The following TEX2 variants were observed in gnomAD, a reference collection of about 807,000 sequenced individuals.
TEX2 encodes testis expressed 2.
In TEX2, 53 loss-of-function variants were observed where a neutral mutation model predicts 106.9. The observed-to-expected ratio is 0.50, with a 90% CI of 0.40 to 0.62. TEX2 has a LOEUF of 0.62. TEX2 is among the 20% of genes least tolerant of loss of function. The pLI, the probability that TEX2 is intolerant of heterozygous loss-of-function variation, is 0.00. For synonymous variants in TEX2, 523 were observed against 534.8 expected (o/e 0.98, Z 0.30); for missense variants, 1,207 against 1,379.0 (o/e 0.88, Z 1.98).
intron 2 of TEX2, among the ~76,000 whole-genome samples, chr17:64,204,499 G>C (rs145585748): frequency 8.5e-5 from 13 of 152,148 alleles, no homozygotes; most frequent in African/African-American, 2.4e-4. Context: ...TATCAGCAAG[G>C]CTTATTTACT....
chr17:64,251,445 G>A (rs559849710), intron 1 of TEX2, among the ~76,000 whole-genome samples: 2 of 152,248 alleles, frequency 1.3e-5, no homozygotes, highest in East Asian at 3.9e-4. Flanking sequence ...CCCAGAAAAC[G>A]CATCACTCTA....
chr17:64,178,036 T>G (rs116284043), intron 5 of TEX2, among the ~76,000 whole-genome samples: 1 of 152,160 alleles, frequency 6.6e-6, no homozygotes, highest in Non-Finnish European at 1.5e-5. Flanking sequence ...CCCCTGGTAA[T>G]GTAATGAACA....
rs2033220251 is a variant in TEX2 at position 64,217,478 on chromosome 17, C to T, written c.-25-3236G>A. 6.6e-6 allele frequency among the ~76,000 whole-genome samples: 1 copy of T among 152,228 alleles called. No individual in the cohort carries two copies. The highest frequency in any genetic ancestry group is 1.5e-5 in the Non-Finnish European group (1 of 68,044). ...CCTTTTCAAACATGCCACACACGCT[C>T]TTTATTCCTGCTTTGTCCCAGCTTT... On this transcript the variant is annotated intron_variant, in intron 1 of 11. Coordinates refer to ENST00000584379, the MANE Select transcript of TEX2 (RefSeq NM_001288732.2). This position sits in a 1 kb window ranked among gnomAD's most constrained non-coding sequence, Gnocchi z 4.3.
chr17:64,188,815 CAA>C (rs200457668), intron 4 of TEX2, among the ~76,000 whole-genome samples: 20 of 97,134 alleles, frequency 2.1e-4, no homozygotes, highest in Admixed American at 6.9e-4. Context: ...GACTCCATCT[CAA>C]AAAAAAAAAA....
rs879975755 is a variant in TEX2, at chr17:64,217,816, A to AC, written c.-25-3575dup. On this transcript the variant is annotated intron_variant, in intron 1 of 11. Transcript: ENST00000584379. The surrounding 1 kb of genome is among the most constrained non-coding windows in gnomAD (Gnocchi z 4.3). ...ACAAAGCCCTTGGGTTTTAACACTG[A>AC]CCCCCCAAGCCTTGTGATGGGAAGG... 2.0e-5 allele frequency among the ~76,000 whole-genome samples: 3 copies of AC among 151,836 alleles called. No individual in the cohort carries two copies. The highest frequency in any genetic ancestry group is 2.1e-4 in the South Asian group (1 of 4,810).
chr17:64,175,877 G>C (rs1184877568), intron 6 of TEX2, among the ~76,000 whole-genome samples: 1 of 152,172 alleles, frequency 6.6e-6, no homozygotes, highest in Non-Finnish European at 1.5e-5. Context: ...CTTACAGAAG[G>C]GCTCGAGATA....
At chr17:64,228,828 T>C (rs1426163455) in intron 1 of TEX2, among the ~76,000 whole-genome samples, 2 of 152,160 alleles carry the variant, frequency 1.3e-5, no homozygotes, top group Non-Finnish European at 2.9e-5. Context: ...TTTTTGTTTT[T>C]ACTTTTAAAT....
At chr17:64,183,166 G>A (rs2031946407) in intron 5 of TEX2, among the ~76,000 whole-genome samples, 1 of 152,128 alleles carries the variant, frequency 6.6e-6, no homozygotes, top group South Asian at 2.1e-4. Context: ...TCAGCCTTCC[G>A]AACTGCTGGG....
At chr17:64,174,756 G>T (rs1366277902) in intron 6 of TEX2, among the ~76,000 whole-genome samples, 1 of 152,198 alleles carries the variant, frequency 6.6e-6, no homozygotes, top group Non-Finnish European at 1.5e-5. Flanking sequence ...GGCACAAGAG[G>T]CTCATAACCA....
intron 1 of TEX2, among the ~76,000 whole-genome samples, chr17:64,256,692 C>A (rs369214574): frequency 6.6e-6 from 1 of 152,148 alleles, no homozygotes; most frequent in East Asian, 1.9e-4. Flanking sequence ...GTGCTTTGTG[C>A]AGGAAGGAAC....
chr17:64,170,044 C>T (rs2031316340), intron 7 of TEX2, among the ~76,000 whole-genome samples: 1 of 152,152 alleles, frequency 6.6e-6, no homozygotes, highest in Admixed American at 6.5e-5. Context: ...CCTTTTAAAA[C>T]CGTATTTATG....
chr17:64,229,214 C>T (rs1225853306), intron 1 of TEX2, among the ~76,000 whole-genome samples: 7 of 152,170 alleles, frequency 4.6e-5, no homozygotes, highest in Non-Finnish European at 1.0e-4. Flanking sequence ...AATTTACTCT[C>T]CTAATTAACA....
intron 1 of TEX2, among the ~76,000 whole-genome samples, chr17:64,219,246 C>A (rs1324205297): frequency 2.6e-5 from 4 of 152,138 alleles, no homozygotes; most frequent in Non-Finnish European, 5.9e-5. Context: ...TGGCTCACGC[C>A]TGTAATCCCA....
At chr17:64,246,524 C>T (rs935420999) in intron 1 of TEX2, among the ~76,000 whole-genome samples, 1 of 152,128 alleles carries the variant, frequency 6.6e-6, no homozygotes, top group African/African-American at 2.4e-5. Flanking sequence ...GGATTACAGG[C>T]GTGACCCACC....
At chr17:64,219,716 G>A (rs1180147789) in intron 1 of TEX2, among the ~76,000 whole-genome samples, 11 of 152,010 alleles carry the variant, frequency 7.2e-5, no homozygotes, top group Admixed American at 2.0e-4. Flanking sequence ...CAGATGGAAG[G>A]TTGGAAAGGA....
chr17:64,252,166 T>C (rs1317000504), intron 1 of TEX2, among the ~76,000 whole-genome samples: 6 of 152,316 alleles, frequency 3.9e-5, no homozygotes, highest in African/African-American at 1.4e-4. Context: ...CTTTCAAGTC[T>C]GGGACAAGGG....
intron 6 of TEX2, among the ~76,000 whole-genome samples, chr17:64,175,135 T>C (rs988986795): frequency 6.6e-6 from 1 of 152,212 alleles, no homozygotes; most frequent in African/African-American, 2.4e-5. Flanking sequence ...CCAGGGGTAC[T>C]TGGATATTTG....
chr17:64,189,995 A>AG (rs1224982120), intron 4 of TEX2, among the ~76,000 whole-genome samples: 20 of 150,338 alleles, frequency 1.3e-4, no homozygotes, highest in East Asian at 5.8e-4. Flanking sequence ...AAAAAAAAAA[A>AG]AAAGAAAGAA....
intron 7 of TEX2, among the ~76,000 whole-genome samples, chr17:64,162,374 A>G (rs1344514010): frequency 6.6e-6 from 1 of 152,218 alleles, no homozygotes; most frequent in Non-Finnish European, 1.5e-5. Context: ...ACAATAAAGG[A>G]GATATTTATT....
Sources: allele counts gnomAD v4.1 joint callset (sites outside exome capture counted in the v4.1 genomes callset), GRCh38; gene constraint gnomAD v4.1.1; non-coding constraint Gnocchi (gnomAD v3.1); transcripts MANE v1.5; gene names NCBI Gene and HGNC (gene_info 2026-07-23, HGNC 2026-07-21).